The following PTPN23 variants were observed in gnomAD, a reference collection of about 807,000 sequenced individuals.
PTPN23 encodes tyrosine-protein phosphatase non-receptor type 23.
Under a neutral mutation model 156.3 loss-of-function variants are expected in PTPN23, and 72 were observed. The ratio of observed to expected loss-of-function variants is 0.46; its 90% CI spans 0.38 to 0.56. The LOEUF (loss-of-function observed/expected upper bound fraction) is 0.56. Among genes scored for constraint, PTPN23 ranks in the 20% least tolerant of loss-of-function variants. The pLI is 0.00. For synonymous variants in PTPN23, 957 were observed against 899.6 expected, an observed-to-expected ratio of 1.06 and a Z score of -1.14; for missense variants, 1,974 against 2,171.5, an observed-to-expected ratio of 0.91 and a Z score of 1.81.
At position 47,410,370 on chromosome 3, in the gene PTPN23, G is replaced by C; in HGVS notation, c.2572G>C (p.Ala858Pro). 1 of 1,610,632 alleles carries C rather than the reference G, an allele frequency of 6.2e-7. No individual in the cohort carries two copies. The highest frequency in any genetic ancestry group is 8.5e-7 in the Non-Finnish European group (1 of 1,178,716). The change falls in exon 20 of 25, where the codon GCA (alanine) becomes CCA (proline). Residue 858 changes from alanine to proline, a missense_variant. Coordinates refer to ENST00000265562, the MANE Select transcript of PTPN23 (RefSeq NM_015466.4). Reference protein sequence around the residue: ...YVGVGPAPPVAGLPSAPPPQF... With the variant: ...YVGVGPAPPVPGLPSAPPPQF... Reference sequence around the variant, plus strand: ...GGGGGTAGGGCCGGCCCCACCAGTTGCAGGTCTCCCCTCGGCCCCACCTCC... The same window carrying C: ...GGGGGTAGGGCCGGCCCCACCAGTTCCAGGTCTCCCCTCGGCCCCACCTCC...
intron 1 of PTPN23, among the ~76,000 whole-genome samples, chr3:47,395,344 G>A (rs1202694933): frequency 6.6e-6 from 1 of 152,224 alleles, no homozygotes; most frequent in East Asian, 1.9e-4. Context: ...TGGCGTGAGT[G>A]GATCTGGCCT....
At position 47,410,069 on chromosome 3, in the gene PTPN23, ACTGC is replaced by A; in HGVS notation, c.2275_2278del (p.Pro759ThrfsTer43). On this transcript the variant is annotated frameshift_variant, in exon 20 of 25. Transcript: ENST00000265562. LOFTEE classifies it high-confidence loss of function. ...CCCCTGACATGGTGGCTGGCCCACG[ACTGC>A]CTGACACCTTCCTGGGAAGTGCCAC... 1 of 1,611,494 alleles carries A rather than the reference ACTGC, an allele frequency of 6.2e-7. No individual in the cohort carries two copies. Among genetic ancestry groups the A allele is most frequent in the Non-Finnish European group, 8.5e-7 (1 of 1,179,016 alleles).
chr3:47,387,140 C>A (rs552405527), intron 1 of PTPN23, among the ~76,000 whole-genome samples: 2 of 152,338 alleles, frequency 1.3e-5, no homozygotes, highest in South Asian at 4.1e-4. Flanking sequence ...CCCCAGTACT[C>A]TTGGCCTATG....
chr3:47,404,580 T>G, intron 2 of PTPN23, 72 bp from the exon 3 acceptor site: 1 of 1,584,328 alleles, frequency 6.3e-7, no homozygotes, highest in African/African-American at 1.3e-5. Flanking sequence ...TCCTGGCATT[T>G]GTGAGTTAGC....
At chr3:47,403,853 A>T (rs1461021383) in intron 2 of PTPN23, among the ~76,000 whole-genome samples, 1 of 152,210 alleles carries the variant, frequency 6.6e-6, no homozygotes, top group Non-Finnish European at 1.5e-5. Flanking sequence ...TGACCCTGGT[A>T]ATAATGCTGT....
chr3:47,412,569 A>G lies in PTPN23; in HGVS notation c.4373A>G (p.Gln1458Arg), dbSNP rs1705343644. 3 of 1,613,554 alleles carry G rather than the reference A, an allele frequency of 1.9e-6. No individual in the cohort carries two copies. Among genetic ancestry groups the G allele is most frequent in the Non-Finnish European group, 1.7e-6 (2 of 1,179,998 alleles). Residue 1458 changes from glutamine (Q) to arginine (R), a missense_variant, in exon 24 of 25, where the codon CAG (glutamine) becomes CGG (arginine). Coordinates refer to ENST00000265562, the MANE Select transcript of PTPN23 (RefSeq NM_015466.4). Reference sequence around the variant, plus strand: ...GTGAGACACGTGGAGCAGGTCCTGCAGCGCCATGGTGTGCCTCCTCCATGC... The same window carrying G: ...GTGAGACACGTGGAGCAGGTCCTGCGGCGCCATGGTGTGCCTCCTCCATGC... ...AVVRHVEQVL[Q>R]RHGVPPPCKP...
At position 47,403,120 on chromosome 3, in the gene PTPN23, G is replaced by T. The variant is rs540664298; in HGVS notation, c.160-1532G>T. ...GGCTGGAGTGCAGTGGCGCGATTTC[G>T]GCTCACTGCAGGCTCCGCCCCCCGG... On this transcript the variant is annotated intron_variant, in intron 2 of 24. Transcript: ENST00000265562. 9.9e-5 allele frequency among the ~76,000 whole-genome samples: 15 copies of T among 150,764 alleles called. No homozygotes were observed. In the East Asian group the frequency reaches 2.9e-3, roughly 30 times the overall value.
chr3:47,410,835 C>A lies in PTPN23; in HGVS notation c.3037C>A (p.Pro1013Thr). 6.2e-7 allele frequency: 1 copy of A among 1,603,380 alleles called. No homozygotes were observed. ...TGGGGTCCTGGGGCAGCCGCCACCCCCCCTACACACCCAGCTCTACCCAGG... is the reference window on the plus strand; with the variant it reads ...TGGGGTCCTGGGGCAGCCGCCACCCACCCTACACACCCAGCTCTACCCAGG... ...QPGVLGQPPPPLHTQLYPGPA... is the reference protein window; with the variant it reads ...QPGVLGQPPPTLHTQLYPGPA... The change falls in exon 20 of 25, where the codon CCC becomes ACC. Residue 1013 changes from proline (P) to threonine (T), a missense_variant. By Grantham distance (38) the Pro-to-Thr change is conservative. Coordinates refer to ENST00000265562, the MANE Select transcript of PTPN23 (RefSeq NM_015466.4).
Position 47,410,453 on chromosome 3 carries a change from T to C in PTPN23, c.2655T>C (p.Asp885=), listed in dbSNP as rs1245215587. Residue 885 remains aspartate (D), a synonymous_variant, in exon 20 of 25, where the codon GAT becomes GAC. Transcript: ENST00000265562. ...TTCGGCCAGCCACCACCACAGTAGATAGCATCCAGGCGCCCATCCCCAGCC... is the reference window on the plus strand; with the variant it reads ...TTCGGCCAGCCACCACCACAGTAGACAGCATCCAGGCGCCCATCCCCAGCC... ...MAVRPATTTV[D]SIQAPIPSHT... is the part of the protein sequence containing the mutation. The C allele has an allele frequency of 9.3e-6, 15 of 1,611,210 alleles. No individual in the cohort carries two copies. The highest frequency in any genetic ancestry group is 1.1e-5 in the South Asian group (1 of 90,826).
In PTPN23 at chr3:47,407,463, G is replaced by A. The variant is rs751684556; in HGVS notation, c.924-42G>A. Reference sequence around the variant, plus strand: ...GGGAAGTAGGTTCTGGATCCCCACTGACACCCCGTGACTGCCCACTCCCCC... The same window carrying A: ...GGGAAGTAGGTTCTGGATCCCCACTAACACCCCGTGACTGCCCACTCCCCC... On this transcript the variant is annotated intron_variant, in intron 11 of 24. Coordinates refer to ENST00000265562, the MANE Select transcript of PTPN23 (RefSeq NM_015466.4). This position sits in a 1 kb window ranked among gnomAD's most constrained non-coding sequence, Gnocchi z 4.0. The A allele has an allele frequency of 5.0e-6, 8 of 1,607,454 alleles. No individual in the cohort carries two copies. The South Asian group carries it at 7.7e-5, about 15-fold the overall frequency.
rs148995868 is a variant in PTPN23, at chr3:47,392,031, G to A, written c.85-4112G>A. 7.1e-3 allele frequency among the ~76,000 whole-genome samples: 1,086 copies of A among 152,146 alleles called. 8 individuals carry two copies. Among genetic ancestry groups the A allele is most frequent in the Non-Finnish European group, 0.011 (727 of 67,990 alleles). ...CTCCCAACTGGCCAAGAGTATAGGC[G>A]CACACCACCACACGTGGCTAATTCT... On this transcript the variant is annotated intron_variant, in intron 1 of 24. Coordinates refer to ENST00000265562, the MANE Select transcript of PTPN23 (RefSeq NM_015466.4).
Position 47,412,317 on chromosome 3 carries a change from C to T in PTPN23, c.4213C>T (p.Leu1405Phe). The change falls in exon 23 of 25, where the codon CTC becomes TTC. Residue 1405 changes from leucine (L) to phenylalanine (F), a missense_variant. By Grantham distance (22) the Leu-to-Phe change is conservative (BLOSUM62 0). Transcript: ENST00000265562. Reference protein sequence around the residue: ...GVGRTGAFALLYAAVQEVEAG... With the variant: ...GVGRTGAFALFYAAVQEVEAG... ...GGGCCGCACGGGAGCCTTTGCACTG[C>T]TCTATGCAGCTGTGCAGGAGGTGGA... is the stretch of plus-strand genomic sequence containing the variant. The T allele has an allele frequency of 6.2e-7, 1 of 1,613,426 alleles. No homozygotes were observed. The highest frequency in any genetic ancestry group is 8.5e-7 in the Non-Finnish European group (1 of 1,180,026).
Position 47,408,916 on chromosome 3 carries a change from C to G in PTPN23, c.1471C>G (p.Leu491Val). 1.2e-6 allele frequency: 2 copies of G among 1,614,238 alleles called. No homozygotes were observed. The highest frequency in any genetic ancestry group is 8.5e-7 in the Non-Finnish European group (1 of 1,180,040). Residue 491 changes from leucine to valine, a missense_variant, in exon 16 of 25, where the codon CTG becomes GTG. Transcript: ENST00000265562. ...GAISITSKAELAEVRREWAKY... is the reference protein window; with the variant it reads ...GAISITSKAEVAEVRREWAKY... ...CATCTCCATCACCTCCAAGGCTGAG[C>G]TGGCAGAGGTGAGGCGAGAATGGGC... is the stretch of plus-strand genomic sequence containing the variant.
chr3:47,401,900 T>C (rs1464806400), intron 2 of PTPN23, among the ~76,000 whole-genome samples: 1 of 152,182 alleles, frequency 6.6e-6, no homozygotes, highest in African/African-American at 2.4e-5. Flanking sequence ...GCCTGACTTT[T>C]CTGTTCCACT....
Position 47,381,031 on chromosome 3 carries a change from T to TCGTGGCTGAGCC in PTPN23, c.-65_-54dup, listed in dbSNP as rs1252934622. ...CCGGCACGAAGGGGCGGGGCTGGGC[T>TCGTGGCTGAGCC]CGTGGCTGAGCCAGCAGCTGCAGCA... On this transcript the variant is annotated 5_prime_UTR_variant, in exon 1 of 25. Coordinates refer to ENST00000265562, the MANE Select transcript of PTPN23 (RefSeq NM_015466.4). 1.3e-6 allele frequency: 2 copies of TCGTGGCTGAGCC among 1,548,354 alleles called. No individual in the cohort carries two copies. Among genetic ancestry groups the TCGTGGCTGAGCC allele is most frequent in the African/African-American group, 2.7e-5 (2 of 72,998 alleles).
chr3:47,410,058 G>C lies in PTPN23; in HGVS notation c.2260G>C (p.Ala754Pro). Residue 754 changes from alanine (A) to proline (P), a missense_variant, in exon 20 of 25, where the codon GCT (alanine) becomes CCT (proline). Physicochemically the swap from Ala to Pro is conservative, Grantham distance 27 (BLOSUM62 -1). Around this residue, in one of 4 missense-constraint regions of PTPN23, gnomAD observed 731 missense variants for 669.1 expected, o/e 1.09. Coordinates refer to ENST00000265562, the MANE Select transcript of PTPN23 (RefSeq NM_015466.4). ...GCGCAGCCTCCCCCCTGACATGGTG[G>C]CTGGCCCACGACTGCCTGACACCTT... ...ELRSLPPDMV[A>P]GPRLPDTFLG... The C allele has an allele frequency of 1.2e-6, 2 of 1,611,492 alleles. No individual in the cohort carries two copies. Among genetic ancestry groups the C allele is most frequent in the Non-Finnish European group, 1.7e-6 (2 of 1,179,028 alleles).
At chr3:47,390,281 G>A (rs531875403) in intron 1 of PTPN23, among the ~76,000 whole-genome samples, 3 of 152,092 alleles carry the variant, frequency 2.0e-5, no homozygotes, top group Non-Finnish European at 2.9e-5. Flanking sequence ...CAACTCAGGG[G>A]CACTGTTTCC....
chr3:47,412,459 T>C (rs761494802), intron 23 of PTPN23, 38 bp downstream of exon 23: 2 of 1,611,074 alleles, frequency 1.2e-6, no homozygotes, highest in Admixed American at 1.7e-5. Flanking sequence ...ATGGGCCTTC[T>C]GTCCCAGGGT....
chr3:47,409,441 A>C lies in PTPN23; in HGVS notation c.1822A>C (p.Lys608Gln). The C allele has an allele frequency of 6.2e-7, 1 of 1,614,160 alleles. No homozygotes were observed. Among genetic ancestry groups the C allele is most frequent in the Non-Finnish European group, 8.5e-7 (1 of 1,180,004 alleles). ...MKKLFEEQLK[K>Q]YDQLKVYLEQ... ...GAAGTTGTTCGAGGAGCAGCTGAAA[A>C]AGTATGACCAGCTGAAGGTGTACCT... Residue 608 changes from lysine to glutamine, a missense_variant, in exon 18 of 25, where the codon AAG becomes CAG. This residue lies in a region of PTPN23 where 726 missense variants were observed against 929.5 expected (regional missense o/e 0.78). Coordinates refer to ENST00000265562, the MANE Select transcript of PTPN23 (RefSeq NM_015466.4).
Sources: gnomAD v4.1 joint callset for allele counts (sites outside exome capture counted in the v4.1 genomes callset) on GRCh38, gnomAD v4.1.1 for gene constraint, gnomAD v4.1.1 regional missense constraint, Gnocchi (gnomAD v3.1) non-coding constraint, MANE v1.5 for transcripts, NCBI Gene and HGNC (gene_info 2026-07-23, HGNC 2026-07-21) for gene names.